AHCYL2: variants seen among roughly 807,000 people sequenced by gnomAD.
AHCYL2 encodes adenosylhomocysteinase like 2.
AHCYL2 carries 28 observed loss-of-function variants against 81.4 expected under a neutral mutation model. That is an observed-to-expected ratio of 0.34 (90% CI 0.25 to 0.47). The LOEUF is 0.47. Ranked by LOEUF, AHCYL2 falls within the 20% of genes least tolerant of loss-of-function variation. The pLI is 1.00. For synonymous variants in AHCYL2, 272 were observed against 290.2 expected, an observed-to-expected ratio of 0.94 and a Z score of 0.64; for missense variants, 551 against 785.1, an observed-to-expected ratio of 0.70 and a Z score of 3.56.
At chr7:129,232,238 C>T (rs1421297748) in intron 1 of AHCYL2, among the ~76,000 whole-genome samples, 4 of 152,176 alleles carry the variant, frequency 2.6e-5, no homozygotes, top group East Asian at 1.9e-4. Flanking sequence ...ATACTTACTC[C>T]GTGTCAGGAA....
At chr7:129,259,982 A>G (rs935383960) in intron 1 of AHCYL2, among the ~76,000 whole-genome samples, 8 of 152,028 alleles carry the variant, frequency 5.3e-5, no homozygotes, top group African/African-American at 1.9e-4. Flanking sequence ...AGACTGAGGC[A>G]GGAGAATCGC....
chr7:129,301,409 G>A (rs1424640428), intron 1 of AHCYL2, among the ~76,000 whole-genome samples: 1 of 152,044 alleles, frequency 6.6e-6, no homozygotes, highest in East Asian at 1.9e-4. Context: ...CTGTGCTTGT[G>A]GGGTATTTAC....
chr7:129,405,556 G>A (rs1796263663), intron 8 of AHCYL2: 1 of 399,082 alleles, frequency 2.5e-6, no homozygotes, highest in Non-Finnish European at 4.4e-6. Context: ...TTGGTTAGAT[G>A]GCAGGGAGTG....
intron 4 of AHCYL2, among the ~76,000 whole-genome samples, chr7:129,395,787 C>T (rs1310430194): frequency 2.0e-5 from 3 of 152,196 alleles, no homozygotes; most frequent in Non-Finnish European, 4.4e-5. Context: ...GGAAAACAGC[C>T]TGCATGTGAA....
At chr7:129,320,911 A>G (rs1797991823) in intron 1 of AHCYL2, among the ~76,000 whole-genome samples, 1 of 152,192 alleles carries the variant, frequency 6.6e-6, no homozygotes, top group African/African-American at 2.4e-5. Context: ...TTGACTTAGC[A>G]CATATCATTA....
At chr7:129,345,877 A>C (rs912605265) in intron 1 of AHCYL2, among the ~76,000 whole-genome samples, 5 of 152,260 alleles carry the variant, frequency 3.3e-5, no homozygotes, top group Admixed American at 3.3e-4. Flanking sequence ...GAGGAAGAGC[A>C]GGTTTGGGGG....
intron 1 of AHCYL2, among the ~76,000 whole-genome samples, chr7:129,258,181 A>AT (rs1341124709): frequency 2.0e-5 from 3 of 147,394 alleles, no homozygotes; most frequent in East Asian, 4.0e-4. Flanking sequence ...CCATTGGAAT[A>AT]TTTTTTGTTG....
chr7:129,278,218 T>G (rs1796294591), intron 1 of AHCYL2, among the ~76,000 whole-genome samples: 1 of 152,150 alleles, frequency 6.6e-6, no homozygotes, highest in Non-Finnish European at 1.5e-5. Context: ...AAAGTGTCTA[T>G]TTAAATATTT....
chr7:129,296,458 C>T (rs1797054061), intron 1 of AHCYL2, among the ~76,000 whole-genome samples: 1 of 152,142 alleles, frequency 6.6e-6, no homozygotes, highest in South Asian at 2.1e-4. Context: ...CCTATAATCG[C>T]AGCACTTTGG....
chr7:129,259,603 G>A (rs946635054), intron 1 of AHCYL2, among the ~76,000 whole-genome samples: 1 of 152,136 alleles, frequency 6.6e-6, no homozygotes, highest in Non-Finnish European at 1.5e-5. Flanking sequence ...GCTTGTAAGC[G>A]AGAAGCTTAA....
chr7:129,350,325 A>G (rs948895250), intron 1 of AHCYL2, among the ~76,000 whole-genome samples: 3 of 152,136 alleles, frequency 2.0e-5, no homozygotes, highest in African/African-American at 7.2e-5. Context: ...ATTAAATGAG[A>G]TAATACATGC....
At chr7:129,236,453 G>A (rs1035136353) in intron 1 of AHCYL2, among the ~76,000 whole-genome samples, 1 of 151,796 alleles carries the variant, frequency 6.6e-6, no homozygotes, top group African/African-American at 2.4e-5. Context: ...CGCCTGCCTC[G>A]GCCTCCCAAA....
intron 1 of AHCYL2, among the ~76,000 whole-genome samples, chr7:129,344,928 G>A (rs1327963156): frequency 6.6e-6 from 1 of 152,216 alleles, no homozygotes; most frequent in Admixed American, 6.5e-5. Context: ...GCCGAGGCGG[G>A]TGGATCACCT....
intron 1 of AHCYL2, among the ~76,000 whole-genome samples, chr7:129,234,157 C>A (rs1217266867): frequency 6.6e-6 from 1 of 152,008 alleles, no homozygotes; most frequent in Non-Finnish European, 1.5e-5. Context: ...CTCAATAGAA[C>A]CTCCCTTCTC....
At chr7:129,382,452 T>C (rs1795002075) in intron 2 of AHCYL2, among the ~76,000 whole-genome samples, 2 of 152,206 alleles carry the variant, frequency 1.3e-5, no homozygotes, top group African/African-American at 4.8e-5. Flanking sequence ...ATTTAAAAAT[T>C]AGCCAGGCGT....
At chr7:129,329,549 A>T (rs905660420) in intron 1 of AHCYL2, among the ~76,000 whole-genome samples, 1 of 152,204 alleles carries the variant, frequency 6.6e-6, no homozygotes, top group African/African-American at 2.4e-5. Context: ...AATCATGAAT[A>T]TGGATGTGAT....
chr7:129,273,109 C>T (rs1796076045), intron 1 of AHCYL2, among the ~76,000 whole-genome samples: 1 of 151,914 alleles, frequency 6.6e-6, no homozygotes, highest in Non-Finnish European at 1.5e-5. Flanking sequence ...ACCATATCAG[C>T]CAGGCTGGTC....
intron 11 of AHCYL2, among the ~76,000 whole-genome samples, chr7:129,413,388 G>A (rs900174362): frequency 2.0e-5 from 3 of 151,612 alleles, no homozygotes; most frequent in Non-Finnish European, 2.9e-5. Context: ...TGATCCGCCC[G>A]TCTCAGCCTC....
intron 1 of AHCYL2, among the ~76,000 whole-genome samples, chr7:129,253,146 G>T (rs1371106071): frequency 2.0e-5 from 3 of 152,000 alleles, no homozygotes; most frequent in Non-Finnish European, 4.4e-5. Flanking sequence ...GGTGGAGGTT[G>T]CAGTGAGCCG....
Sources: allele counts gnomAD v4.1 joint callset (sites outside exome capture counted in the v4.1 genomes callset), GRCh38; gene constraint gnomAD v4.1.1; transcripts MANE v1.5; gene names NCBI Gene and HGNC (gene_info 2026-07-23, HGNC 2026-07-21).